The following CRB1 variants were observed in gnomAD, a reference collection of about 807,000 sequenced individuals.
CRB1 encodes the protein protein crumbs homolog 1.
Under a neutral mutation model 120.0 loss-of-function variants are expected in CRB1, and 83 were observed. The observed-to-expected ratio is 0.69, with a 90% confidence interval of 0.58 to 0.83. The LOEUF (loss-of-function observed/expected upper bound fraction) is 0.83. CRB1 is among the 40% of genes least tolerant of loss of function. CRB1 has a pLI of 0.00. For synonymous variants in CRB1, 625 were observed against 612.5 expected (o/e 1.02, Z -0.30); for missense variants, 1,699 against 1,687.6 (o/e 1.01, Z -0.12).
At chr1:197,376,242 C>T (rs761234299) in intron 5 of CRB1, among the ~76,000 whole-genome samples, 1 of 152,078 alleles carries the variant, frequency 6.6e-6, no homozygotes, top group Non-Finnish European at 1.5e-5. Context: ...TAGATGTTTA[C>T]AACATCTAAA....
In CRB1 at chr1:197,356,893, A is replaced by C; in HGVS notation, c.1051A>C (p.Asn351His). 1.2e-5 allele frequency: 20 copies of C among 1,614,180 alleles called. No homozygotes were observed. The highest frequency in any genetic ancestry group is 1.4e-5 in the Non-Finnish European group (17 of 1,180,020). The change falls in exon 5 of 12, where the codon AAT (asparagine) becomes CAT (histidine). Residue 351 changes from asparagine to histidine, a missense_variant. Transcript: ENST00000367400. ...ATGCAATAGTAACCCCTGCCAGTCC[A>C]ATGGGGAATGTGTGGAGCTGTCCTC... Reference protein sequence around the residue: ...NECNSNPCQSNGECVELSSEK... With the variant: ...NECNSNPCQSHGECVELSSEK...
At chr1:197,287,065 A>T (rs1655871601) in intron 1 of CRB1, among the ~76,000 whole-genome samples, 1 of 151,892 alleles carries the variant, frequency 6.6e-6, no homozygotes, top group African/African-American at 2.4e-5. Context: ...TCAAAAATTC[A>T]TATTTGTATC....
rs1666905380 is a variant in CRB1 at position 197,469,845 on chromosome 1, G to A, written c.4006-7819G>A. Among the ~76,000 whole-genome samples, 3 of 151,944 alleles carry A rather than the reference G, an allele frequency of 2.0e-5. No homozygotes were observed. The South Asian group carries it at 6.2e-4, about 32-fold the overall frequency. ...ATCACGTGATAACGTTTCCATTCTA[G>A]ATACGAGGGGCAGGAAAAGGTAAAA... On this transcript the variant is annotated intron_variant, in intron 11 of 11. Coordinates refer to ENST00000367400, the MANE Select transcript of CRB1 (RefSeq NM_201253.3).
chr1:197,385,826 A>T (rs1662185725), intron 5 of CRB1, among the ~76,000 whole-genome samples: 2 of 151,998 alleles, frequency 1.3e-5, no homozygotes, highest in Non-Finnish European at 2.9e-5. Flanking sequence ...TTCTCTTTTT[A>T]ATGACCCAAA....
intron 1 of CRB1, among the ~76,000 whole-genome samples, chr1:197,297,180 A>G (rs193070165): frequency 1.3e-5 from 2 of 151,940 alleles, no homozygotes; most frequent in East Asian, 2.0e-4. Flanking sequence ...ACTGCTTGCC[A>G]TAATCTCAAT....
chr1:197,403,797 C>A (rs2125437567), intron 5 of CRB1, among the ~76,000 whole-genome samples: 1 of 152,120 alleles, frequency 6.6e-6, no homozygotes, highest in East Asian at 1.9e-4. Context: ...CCTCTCTCCC[C>A]CTGCCCCGCT....
At chr1:197,209,994 G>A in the CRB1 span, among the ~76,000 whole-genome samples, 1 of 152,126 alleles carries the variant, frequency 6.6e-6, no homozygotes, top group Non-Finnish European at 1.5e-5. Context: ...CAGCTTTCCT[G>A]GTATGTTCCT....
At position 197,452,596 on chromosome 1, in the gene CRB1, G is replaced by A. The variant is rs577623235; in HGVS notation, c.4005+10304G>A. Among the ~76,000 whole-genome samples, 10 of 152,228 alleles carry A rather than the reference G, an allele frequency of 6.6e-5. No homozygotes were observed. In the South Asian group the frequency reaches 1.0e-3, roughly 16 times the overall value. On this transcript the variant is annotated intron_variant, in intron 11 of 11. Transcript: ENST00000367400. ...TAAATATTATAATGCCCATCTTATAGACGGGGGAAATAAGATTTAGAAGGG... is the reference window on the plus strand; with the variant it reads ...TAAATATTATAATGCCCATCTTATAAACGGGGGAAATAAGATTTAGAAGGG...
chr1:197,226,052 C>G, the CRB1 span, among the ~76,000 whole-genome samples: 1 of 152,108 alleles, frequency 6.6e-6, no homozygotes, highest in African/African-American at 2.4e-5. Context: ...AGGAGCACAC[C>G]ACTATGCCCA....
intron 5 of CRB1, among the ~76,000 whole-genome samples, chr1:197,383,770 C>G (rs1662076462): frequency 6.6e-6 from 1 of 152,170 alleles, no homozygotes; most frequent in Non-Finnish European, 1.5e-5. Context: ...TATACATCTT[C>G]AACTCTATTA....
chr1:197,289,697 T>G (rs937404275), intron 1 of CRB1, among the ~76,000 whole-genome samples: 12 of 151,820 alleles, frequency 7.9e-5, no homozygotes, highest in African/African-American at 2.9e-4. Context: ...TAACATATTT[T>G]CCTTTCATCT....
the CRB1 span, among the ~76,000 whole-genome samples, chr1:197,236,838 T>C: frequency 6.6e-6 from 1 of 152,224 alleles, no homozygotes; most frequent in South Asian, 2.1e-4. Flanking sequence ...TGAACCAGGC[T>C]TGCATACCTG....
At chr1:197,400,618 T>A (rs1474982467) in intron 5 of CRB1, among the ~76,000 whole-genome samples, 2 of 152,100 alleles carry the variant, frequency 1.3e-5, no homozygotes, top group Non-Finnish European at 2.9e-5. Flanking sequence ...GAGTAAATTA[T>A]AAAATGTGCA....
At chr1:197,305,114 TCTGAAAC>T (rs1300358410) in intron 1 of CRB1, among the ~76,000 whole-genome samples, 1 of 152,176 alleles carries the variant, frequency 6.6e-6, no homozygotes, top group Non-Finnish European at 1.5e-5. Context: ...TATGTCCTGC[TCTGAAAC>T]CTGATATCTA....
intron 5 of CRB1, among the ~76,000 whole-genome samples, chr1:197,399,969 G>C (rs1393825067): frequency 6.6e-6 from 1 of 152,134 alleles, no homozygotes. Context: ...GCCATATTCT[G>C]TTGATTAGAA....
intron 2 of CRB1, among the ~76,000 whole-genome samples, chr1:197,338,827 T>C (rs551092662): frequency 6.6e-6 from 1 of 152,236 alleles, no homozygotes; most frequent in Admixed American, 6.5e-5. Context: ...TTCTGTATCA[T>C]CAGATTTAAT....
At chr1:197,412,276 G>A (rs1923762) in intron 5 of CRB1, among the ~76,000 whole-genome samples, 10,463 of 152,136 alleles carry the variant, frequency 0.069, 1,240 homozygotes, top group African/African-American at 0.24. Context: ...CACTTATGCT[G>A]TCTACAAAAA....
At chr1:197,452,539 T>C (rs1000378603) in intron 11 of CRB1, among the ~76,000 whole-genome samples, 4 of 152,200 alleles carry the variant, frequency 2.6e-5, no homozygotes, top group African/African-American at 9.7e-5. Context: ...ATATCAATTT[T>C]AGTAATAAAT....
At chr1:197,300,915 A>G (rs892093533) in intron 1 of CRB1, among the ~76,000 whole-genome samples, 1 of 152,116 alleles carries the variant, frequency 6.6e-6, no homozygotes, top group Non-Finnish European at 1.5e-5. Flanking sequence ...TGCTAAATCT[A>G]CTATGTCTGT....
Sources: gnomAD v4.1 joint callset for allele counts (sites outside exome capture counted in the v4.1 genomes callset) on GRCh38, gnomAD v4.1.1 for gene constraint, MANE v1.5 for transcripts, NCBI Gene and HGNC (gene_info 2026-07-23, HGNC 2026-07-21) for gene names.